The following LRRK2 variants were observed in gnomAD, a reference collection of about 807,000 sequenced individuals.
The protein encoded by LRRK2 is leucine-rich repeat serine/threonine-protein kinase 2.
Under a neutral mutation model 302.6 loss-of-function variants are expected in LRRK2, and 203 were observed. The observed-to-expected ratio is 0.67, with a 90% CI of 0.60 to 0.75. The LOEUF is 0.75. Ranked by LOEUF, LRRK2 falls within the 30% of genes least tolerant of loss-of-function variation. LRRK2 has a pLI of 0.00. For synonymous variants in LRRK2, 1,066 were observed against 1,031.9 expected (o/e 1.03, Z -0.63); for missense variants, 2,830 against 2,951.0 (o/e 0.96, Z 0.95).
chr12:40,324,563 A>C (rs1370635487), intron 38 of LRRK2, among the ~76,000 whole-genome samples: 1 of 152,218 alleles, frequency 6.6e-6, no homozygotes, highest in African/African-American at 2.4e-5. Context: ...TGTTGTGTGT[A>C]TACATTTAAT....
intron 48 of LRRK2, 49 bp downstream of exon 48, chr12:40,363,603 C>T: frequency 6.3e-7 from 1 of 1,584,034 alleles, no homozygotes. Context: ...TATCTTTGCA[C>T]TTCATGTGTC....
chr12:40,323,251 T>G lies in LRRK2; in HGVS notation c.5601T>G (p.Asn1867Lys), dbSNP rs1945452637. 1.9e-6 allele frequency: 3 copies of G among 1,613,306 alleles called. No homozygotes were observed. The South Asian group carries it at 3.3e-5, about 18-fold the overall frequency. Residue 1867 changes from asparagine to lysine, a missense_variant, in exon 38 of 51, where the codon AAT (asparagine) becomes AAG (lysine). By Grantham distance (94) the Asn-to-Lys change is moderately conservative. Transcript: ENST00000298910. ...TGATTTTGGCTGACCTGCCTAGAAA[T>G]ATTATGTTGAATAATGATGAGTTGG... The part of the protein sequence containing the change: ...PDLILADLPR[N>K]IMLNNDELEF...
At chr12:40,346,193 TTTTTG>T (rs1472325661) in intron 41 of LRRK2, among the ~76,000 whole-genome samples, 1 of 152,124 alleles carries the variant, frequency 6.6e-6, no homozygotes, top group Non-Finnish European at 1.5e-5. Flanking sequence ...AAGGCTTTTT[TTTTTG>T]TTTTAGTTGT....
chr12:40,235,751 TAA>T, intron 4 of LRRK2, 37 bp downstream of exon 4: 1 of 1,213,948 alleles, frequency 8.2e-7, no homozygotes, highest in Non-Finnish European at 1.2e-6. Context: ...TGATTCAAAT[TAA>T]AAAAAAAGTT....
intron 11 of LRRK2, among the ~76,000 whole-genome samples, 187 bp downstream of exon 11, chr12:40,253,203 A>G (rs992785137): frequency 6.6e-6 from 1 of 152,326 alleles, no homozygotes; most frequent in South Asian, 2.1e-4. Flanking sequence ...GAAGAATAAA[A>G]TAAACATTTG....
rs755687613 is a variant in LRRK2, at chr12:40,351,523, C to A, written c.6382-16C>A. 1 of 1,612,830 alleles carries A rather than the reference C, an allele frequency of 6.2e-7. No homozygotes were observed. The highest frequency in any genetic ancestry group is 8.5e-7 in the Non-Finnish European group (1 of 1,179,058). Reference sequence around the variant, plus strand: ...AACTCGATAAGTACTGTTTTGTTATCTTTAAACTTTCTCAGGTCTTTGACA... The same window carrying A: ...AACTCGATAAGTACTGTTTTGTTATATTTAAACTTTCTCAGGTCTTTGACA... On this transcript the variant is annotated splice_polypyrimidine_tract_variant and intron_variant, in intron 43 of 50. Transcript: ENST00000298910.
intron 16 of LRRK2, among the ~76,000 whole-genome samples, chr12:40,276,032 T>C (rs1029769230): frequency 2.6e-5 from 4 of 152,156 alleles, no homozygotes; most frequent in Admixed American, 2.6e-4. Context: ...TTTAAAAAAT[T>C]ATAAAGTTAT....
In LRRK2 at chr12:40,305,937, T is replaced by TA. The variant is rs773059559; in HGVS notation, c.3931dup (p.Ile1311AsnfsTer4). On this transcript the variant is annotated frameshift_variant, in exon 28 of 51. Transcript: ENST00000298910. LOFTEE classifies it high-confidence loss of function. Reference sequence around the variant, plus strand: ...TGCATCTTAACTTTGATTTTAAACATATAGGATGTAAAGCCAAAGACATCA... The same window carrying TA: ...TGCATCTTAACTTTGATTTTAAACATAATAGGATGTAAAGCCAAAGACATCA... 2 of 1,611,688 alleles carry TA rather than the reference T, an allele frequency of 1.2e-6. No homozygotes were observed. The highest frequency in any genetic ancestry group is 3.3e-5 in the Admixed American group (2 of 59,838).
chr12:40,334,005 T>C (rs1945794288), intron 39 of LRRK2, among the ~76,000 whole-genome samples: 1 of 152,104 alleles, frequency 6.6e-6, no homozygotes, highest in Non-Finnish European at 1.5e-5. Context: ...AGATGGGATT[T>C]TCATCTAAGG....
chr12:40,361,682 C>A (rs1253818794), intron 47 of LRRK2, among the ~76,000 whole-genome samples: 1 of 152,048 alleles, frequency 6.6e-6, no homozygotes, highest in Non-Finnish European at 1.5e-5. Context: ...CCATAAAGAT[C>A]AAGCTCTCAA....
At chr12:40,253,642 G>T (rs1395420409) in intron 11 of LRRK2, among the ~76,000 whole-genome samples, 2 of 152,200 alleles carry the variant, frequency 1.3e-5, no homozygotes, top group Non-Finnish European at 2.9e-5. Flanking sequence ...CCTCCCAAGT[G>T]CTGGGATTAC....
chr12:40,346,946 T>C, intron 42 of LRRK2, 23 bp downstream of exon 42: 2 of 1,591,852 alleles, frequency 1.3e-6, no homozygotes, highest in Non-Finnish European at 1.7e-6. Flanking sequence ...TTCTCTACAA[T>C]GAAGATTTTT....
intron 41 of LRRK2, among the ~76,000 whole-genome samples, chr12:40,346,173 C>T (rs1169728095): frequency 7.8e-6 from 1 of 128,586 alleles, no homozygotes; most frequent in Non-Finnish European, 1.7e-5. Context: ...CAGGCATGAA[C>T]CCAAGAGAGA....
intron 38 of LRRK2, among the ~76,000 whole-genome samples, chr12:40,324,982 G>A (rs757577774): frequency 2.0e-5 from 3 of 152,256 alleles, no homozygotes; most frequent in South Asian, 2.1e-4. Context: ...ATGTGGAAAC[G>A]TCATTTACAA....
rs1261452346 is a variant in LRRK2, at chr12:40,367,965, C to T, written c.*200C>T. 1.9e-5 allele frequency: 7 copies of T among 364,566 alleles called. No homozygotes were observed. The highest frequency in any genetic ancestry group is 4.4e-5 in the Admixed American group (1 of 22,598). 22.6% of individuals were successfully genotyped at this position (364,566 alleles called of 1,614,324 possible). A position where few individuals can be genotyped will look rare whatever the true frequency, so the allele number is the denominator to read the frequency against. On this transcript the variant is annotated 3_prime_UTR_variant, in exon 51 of 51. Transcript: ENST00000298910. ...GTATTTTAAAGAACTATTTAAAACA[C>T]AATGTTATATTTCTTATAAATACCA...
chr12:40,358,336 T>G (rs1415538425), intron 46 of LRRK2, among the ~76,000 whole-genome samples: 1 of 152,204 alleles, frequency 6.6e-6, no homozygotes, highest in Non-Finnish European at 1.5e-5. Context: ...TTCCCCTGTT[T>G]CCTTTTAATA....
At chr12:40,361,864 T>C (rs1946718527) in intron 47 of LRRK2, among the ~76,000 whole-genome samples, 1 of 152,016 alleles carries the variant, frequency 6.6e-6, no homozygotes, top group Non-Finnish European at 1.5e-5. Flanking sequence ...TCATCATCAG[T>C]ACACACCGAC....
chr12:40,340,598 C>T lies in LRRK2; in HGVS notation c.6109+144C>T, dbSNP rs1209042665. On this transcript the variant is annotated intron_variant, in intron 41 of 50. Transcript: ENST00000298910. Reference sequence around the variant, plus strand: ...ATTTTGTGAAAAAATGCAAGCATCACATTGTGATTTTTATCATTGTATTTT... The same window carrying T: ...ATTTTGTGAAAAAATGCAAGCATCATATTGTGATTTTTATCATTGTATTTT... 3 of 853,596 alleles carry T rather than the reference C, an allele frequency of 3.5e-6. No homozygotes were observed. In the East Asian group the frequency reaches 7.7e-5, roughly 22 times the overall value. The allele number at this position is 853,596 out of a possible 1,614,324, so 52.9% of individuals were successfully genotyped here.
At chr12:40,294,290 A>C (rs537953982) in intron 21 of LRRK2, among the ~76,000 whole-genome samples, 9 of 152,112 alleles carry the variant, frequency 5.9e-5, no homozygotes, top group Non-Finnish European at 1.0e-4. Context: ...TGGAAGGACT[A>C]TGGCATATTT....
Sources: gnomAD v4.1 joint callset for allele counts (sites outside exome capture counted in the v4.1 genomes callset) on GRCh38, gnomAD v4.1.1 for gene constraint, MANE v1.5 for transcripts, NCBI Gene and HGNC (gene_info 2026-07-23, HGNC 2026-07-21) for gene names.